The following GRM7 variants were observed in gnomAD, a reference collection of about 807,000 sequenced individuals.
The protein encoded by GRM7 is glutamate metabotropic receptor 7.
A neutral mutation model predicts 84.5 loss-of-function variants in GRM7; 35 were observed. The observed-to-expected ratio is 0.41, with a 90% CI of 0.32 to 0.55. The LOEUF (loss-of-function observed/expected upper bound fraction) is 0.55, where lower values mean the gene tolerates loss of function less well. Among genes scored for constraint, GRM7 ranks in the 20% least tolerant of loss-of-function variants. The probability of loss-of-function intolerance (pLI) is 0.19; values close to 1 mark genes in which losing one functional copy is unlikely to be tolerated. For missense variants in GRM7, 1,003 were observed against 1,194.6 expected, an observed-to-expected ratio of 0.84 and a Z score of 2.36; for synonymous variants, 487 against 455.1, an observed-to-expected ratio of 1.07 and a Z score of -0.89.
At chr3:6,949,790 C>G (rs1402007676) in intron 1 of GRM7, among the ~76,000 whole-genome samples, 5 of 152,192 alleles carry the variant, frequency 3.3e-5, no homozygotes, top group Non-Finnish European at 5.9e-5. Context: ...TCTTTTCACA[C>G]TTCATTGTAT....
intron 7 of GRM7, among the ~76,000 whole-genome samples, chr3:7,530,460 G>A (rs930757722): frequency 3.9e-5 from 6 of 152,128 alleles, no homozygotes; most frequent in Non-Finnish European, 8.8e-5. Flanking sequence ...TTTATACTCA[G>A]CAATGGGATT....
At chr3:7,682,893 G>C (rs1380092196) in intron 9 of GRM7, among the ~76,000 whole-genome samples, 1 of 152,176 alleles carries the variant, frequency 6.6e-6, no homozygotes, top group Non-Finnish European at 1.5e-5. Context: ...CCTCACAGTA[G>C]ATCTATAGAA....
At chr3:6,951,169 CG>C (rs1304615218) in intron 1 of GRM7, among the ~76,000 whole-genome samples, 57 of 152,280 alleles carry the variant, frequency 3.7e-4, no homozygotes, top group Non-Finnish European at 6.8e-4. Flanking sequence ...TGTTCCTATT[CG>C]GCCATCTTGG....
intron 7 of GRM7, among the ~76,000 whole-genome samples, chr3:7,464,509 C>T (rs1698380884): frequency 6.6e-6 from 1 of 152,012 alleles, no homozygotes; most frequent in Non-Finnish European, 1.5e-5. Context: ...GAGCAGAGAA[C>T]CCAAGGCCTT....
intron 4 of GRM7, among the ~76,000 whole-genome samples, chr3:7,330,934 C>A (rs1238750474): frequency 3.3e-5 from 5 of 152,156 alleles, no homozygotes; most frequent in Non-Finnish European, 5.9e-5. Flanking sequence ...CCTTATCTCA[C>A]CTGAATTGTC....
chr3:7,059,559 A>T (rs1409061488), intron 1 of GRM7, among the ~76,000 whole-genome samples: 1 of 151,764 alleles, frequency 6.6e-6, no homozygotes, highest in Admixed American at 6.6e-5. Context: ...AGGTAACCTA[A>T]ATCTTTCTAA....
At chr3:7,530,520 C>T (rs999191757) in intron 7 of GRM7, among the ~76,000 whole-genome samples, 1 of 152,174 alleles carries the variant, frequency 6.6e-6, no homozygotes, top group Admixed American at 6.5e-5. Flanking sequence ...AATTGCCACA[C>T]TGTCTTCCAC....
rs918082467 is a variant in GRM7, at chr3:7,456,971, C to T, written c.1375+4164C>T. On this transcript the variant is annotated intron_variant, in intron 6 of 9. Coordinates refer to ENST00000357716, the MANE Select transcript of GRM7 (RefSeq NM_000844.4). ...ATTTTCTGACTTTCGGTTAAAAAAT[C>T]AAATCCTAGAGAAAAGAAAATATTT... is the stretch of plus-strand genomic sequence containing the variant. 2.0e-5 allele frequency among the ~76,000 whole-genome samples: 3 copies of T among 152,084 alleles called. No individual in the cohort carries two copies. In the East Asian group the frequency reaches 5.8e-4, roughly 29 times the overall value.
At chr3:7,448,311 T>C (rs779757) in intron 5 of GRM7, among the ~76,000 whole-genome samples, 45,547 of 151,754 alleles carry the variant, frequency 0.3, 7,043 homozygotes, top group Admixed American at 0.39. Context: ...TCTAGATCCC[T>C]GAGGAATCGC....
intron 1 of GRM7, among the ~76,000 whole-genome samples, chr3:6,933,895 A>G (rs1272735242): frequency 6.6e-6 from 1 of 152,180 alleles, no homozygotes; most frequent in Non-Finnish European, 1.5e-5. Flanking sequence ...GGTAGGAAAT[A>G]TTGACTTATA....
intron 4 of GRM7, among the ~76,000 whole-genome samples, chr3:7,406,614 CT>C (rs1559299760): frequency 6.6e-6 from 1 of 152,200 alleles, no homozygotes; most frequent in Non-Finnish European, 1.5e-5. Context: ...CAGGCTTTAA[CT>C]TTCTCTCCTG....
chr3:7,622,764 A>C (rs1697419951), intron 8 of GRM7, among the ~76,000 whole-genome samples: 1 of 152,074 alleles, frequency 6.6e-6, no homozygotes, highest in Admixed American at 6.6e-5. Context: ...CAGCCAGTGA[A>C]GTTTAGAAGA....
chr3:7,325,456 TAA>T (rs1211233868), intron 4 of GRM7, among the ~76,000 whole-genome samples: 2 of 152,156 alleles, frequency 1.3e-5, no homozygotes, highest in African/African-American at 2.4e-5. Flanking sequence ...TGGAGTAGGA[TAA>T]AAGTCTTGCA....
chr3:7,138,850 T>C (rs1007020648), intron 1 of GRM7, among the ~76,000 whole-genome samples: 16 of 151,264 alleles, frequency 1.1e-4, no homozygotes, highest in African/African-American at 3.9e-4. Flanking sequence ...CAGAATAGAT[T>C]CCTAAGATGT....
At chr3:7,634,479 C>CAAAAAAAA (rs869045574) in intron 8 of GRM7, among the ~76,000 whole-genome samples, 2 of 30,304 alleles carry the variant, frequency 6.6e-5, no homozygotes, top group African/African-American at 5.0e-4. Context: ...ACTTTTTTTC[C>CAAAAAAAA]AAAAAAAAAA....
chr3:7,676,955 C>G (rs1047640337), intron 8 of GRM7, among the ~76,000 whole-genome samples: 1 of 151,950 alleles, frequency 6.6e-6, no homozygotes, highest in African/African-American at 2.4e-5. Flanking sequence ...TTAAGTGATG[C>G]ATGACTGTAC....
chr3:7,591,215 T>C (rs1345442101), intron 8 of GRM7, among the ~76,000 whole-genome samples: 1 of 152,178 alleles, frequency 6.6e-6, no homozygotes, highest in East Asian at 1.9e-4. Context: ...TAGTCAAGGA[T>C]GACCAACCAC....
chr3:7,061,236 G>A (rs954006984), intron 1 of GRM7, among the ~76,000 whole-genome samples: 2 of 151,800 alleles, frequency 1.3e-5, no homozygotes, highest in African/African-American at 4.8e-5. Context: ...TTCTTAGGTA[G>A]TTGCTGTGTA....
intron 5 of GRM7, among the ~76,000 whole-genome samples, chr3:7,450,960 C>G (rs1441157146): frequency 6.7e-6 from 1 of 149,754 alleles, no homozygotes; most frequent in Non-Finnish European, 1.5e-5. Flanking sequence ...GTCAGTGAAG[C>G]AACCTAAAAC....
Sources: allele counts gnomAD v4.1 joint callset (sites outside exome capture counted in the v4.1 genomes callset), GRCh38; gene constraint gnomAD v4.1.1; transcripts MANE v1.5; gene names NCBI Gene and HGNC (gene_info 2026-07-23, HGNC 2026-07-21).